Variants in SHC4 observed in about 807,000 individuals in gnomAD.
The protein encoded by SHC4 is SHC-transforming protein 4.
Under a neutral mutation model 69.4 loss-of-function variants are expected in SHC4, and 41 were observed. The observed-to-expected ratio is 0.59, with a 90% CI of 0.46 to 0.77. The LOEUF (loss-of-function observed/expected upper bound fraction) is 0.77. SHC4 is among the 30% of genes least tolerant of loss of function. The pLI, the probability that SHC4 is intolerant of heterozygous loss-of-function variation, is 0.00. For missense variants in SHC4, 777 were observed against 783.8 expected (o/e 0.99, Z 0.10); for synonymous variants, 318 against 299.3 (o/e 1.06, Z -0.64).
intron 2 of SHC4, among the ~76,000 whole-genome samples, chr15:48,920,429 A>C (rs1900730870): frequency 6.6e-6 from 1 of 151,924 alleles, no homozygotes; most frequent in South Asian, 2.1e-4. Flanking sequence ...ACTCATTTTA[A>C]TTTACAAATT....
chr15:48,946,459 C>T (rs1177573866), intron 1 of SHC4: 1 of 523,756 alleles, frequency 1.9e-6, no homozygotes, highest in African/African-American at 2.1e-5. Flanking sequence ...CATCCTTCCT[C>T]TTCCTTCTCC....
At chr15:48,962,306 C>G (rs1901557303) in intron 1 of SHC4, 125 bp downstream of exon 1, 1 of 996,980 alleles carries the variant, frequency 1.0e-6, no homozygotes, top group Non-Finnish European at 1.4e-6. Context: ...CCGCCTTGGT[C>G]CAGTTGAATC....
chr15:48,945,859 T>C (rs906923133), intron 1 of SHC4: 5 of 152,234 alleles, frequency 3.3e-5, no homozygotes, highest in Non-Finnish European at 5.9e-5. Context: ...TTTTACAGTA[T>C]GTGAATTATA....
chr15:48,921,981 G>A (rs1288650955), intron 2 of SHC4, among the ~76,000 whole-genome samples: 1 of 152,062 alleles, frequency 6.6e-6, no homozygotes, highest in African/African-American at 2.4e-5. Flanking sequence ...CCCTCTCTAG[G>A]TAAGATTCTG....
At chr15:48,863,710 A>T (rs144526316) in intron 6 of SHC4, among the ~76,000 whole-genome samples, 6 of 152,168 alleles carry the variant, frequency 3.9e-5, no homozygotes, top group African/African-American at 1.4e-4. Flanking sequence ...TCTTTTTTCA[A>T]TGTTTGAAAT....
At chr15:48,880,211 C>T (rs918877272) in intron 4 of SHC4, 4 of 166,822 alleles carry the variant, frequency 2.4e-5, no homozygotes, top group Non-Finnish European at 5.9e-5. Context: ...TATGGTCATC[C>T]TGTCTTTTGG....
Position 48,834,956 on chromosome 15 carries a change from ATG to A in SHC4, c.1548_1549del (p.Ile517Ter), listed in dbSNP as rs1247211306. ...TTCTTCGCTCCACAGCTGCTGCTTA[ATG>A]TGTGGCAAAGAATGTGAGCTGGCAG... On this transcript the variant is annotated frameshift_variant, in exon 11 of 12. Coordinates refer to ENST00000332408, the MANE Select transcript of SHC4 (RefSeq NM_203349.4). LOFTEE classifies it high-confidence loss of function. 6.2e-7 allele frequency: 1 copy of A among 1,613,596 alleles called. No individual in the cohort carries two copies. Among genetic ancestry groups the A allele is most frequent in the African/African-American group, 1.3e-5 (1 of 75,048 alleles).
chr15:48,912,312 T>G, intron 2 of SHC4, among the ~76,000 whole-genome samples: 1 of 152,306 alleles, frequency 6.6e-6, no homozygotes, highest in South Asian at 2.1e-4. Flanking sequence ...TTGGTTGGAT[T>G]GGGTTAATTA....
chr15:48,942,174 T>A (rs762916851), intron 1 of SHC4, among the ~76,000 whole-genome samples: 9 of 149,758 alleles, frequency 6.0e-5, no homozygotes, highest in Admixed American at 2.1e-4. Flanking sequence ...TAGTCAGTAT[T>A]TTTTTAAAAA....
At chr15:48,903,462 T>G (rs1433758050) in intron 2 of SHC4, among the ~76,000 whole-genome samples, 1 of 152,210 alleles carries the variant, frequency 6.6e-6, no homozygotes, top group Non-Finnish European at 1.5e-5. Flanking sequence ...TCACATTCCC[T>G]GATATTCCCA....
chr15:48,950,881 C>T (rs958423280), intron 1 of SHC4, among the ~76,000 whole-genome samples: 2 of 152,032 alleles, frequency 1.3e-5, no homozygotes, highest in Non-Finnish European at 2.9e-5. Flanking sequence ...CCAAGCCCTG[C>T]GGTTCTTTCT....
intron 1 of SHC4, chr15:48,948,117 T>A (rs1198437992): frequency 6.6e-6 from 1 of 152,254 alleles, no homozygotes; most frequent in Non-Finnish European, 1.5e-5. Context: ...TCTGTTGTAT[T>A]CCTAGCTGTG....
At chr15:48,953,091 A>G (rs920191096) in intron 1 of SHC4, among the ~76,000 whole-genome samples, 7 of 152,314 alleles carry the variant, frequency 4.6e-5, no homozygotes, top group Non-Finnish European at 1.0e-4. Flanking sequence ...CAGCCATAAA[A>G]ACGAATGAGA....
At chr15:48,901,260 T>C (rs764253090) in intron 2 of SHC4, among the ~76,000 whole-genome samples, 1 of 152,204 alleles carries the variant, frequency 6.6e-6, no homozygotes, top group Non-Finnish European at 1.5e-5. Flanking sequence ...CGGAAACAAA[T>C]GTAAGAGGCT....
chr15:48,850,316 A>C (rs951721050), intron 9 of SHC4, among the ~76,000 whole-genome samples: 1 of 152,166 alleles, frequency 6.6e-6, no homozygotes, highest in African/African-American at 2.4e-5. Context: ...AATCATACCT[A>C]TACCAGAAAG....
At chr15:48,952,587 GA>G (rs889973301) in intron 1 of SHC4, among the ~76,000 whole-genome samples, 4 of 151,540 alleles carry the variant, frequency 2.6e-5, no homozygotes, top group East Asian at 1.9e-4. Context: ...AAATTTACAA[GA>G]AAAAAAACCC....
rs1006717873 is a variant in SHC4 at position 48,907,366 on chromosome 15, G to A, written c.657-16555C>T. Among the ~76,000 whole-genome samples, 5 of 151,892 alleles carry A rather than the reference G, an allele frequency of 3.3e-5. No homozygotes were observed. The South Asian group carries it at 6.2e-4, about 19-fold the overall frequency. On this transcript the variant is annotated intron_variant, in intron 2 of 11. Coordinates refer to ENST00000332408, the MANE Select transcript of SHC4 (RefSeq NM_203349.4). ...GCCTTCCCAGTAGCTGAGATTACAG[G>A]CATGCACCATCATGCCCAGCTAATT...
intron 1 of SHC4, 86 bp downstream of exon 1, chr15:48,962,345 A>T (rs1901557896): frequency 4.4e-6 from 6 of 1,352,512 alleles, no homozygotes; most frequent in Non-Finnish European, 1.0e-6. Flanking sequence ...GAACCCAGGC[A>T]GGTAACATTA....
chr15:48,937,377 C>T (rs1901090812), intron 1 of SHC4, among the ~76,000 whole-genome samples: 1 of 152,042 alleles, frequency 6.6e-6, no homozygotes, highest in Non-Finnish European at 1.5e-5. Flanking sequence ...TGCCTTTTTA[C>T]AGATGGAAAA....
Sources: allele counts gnomAD v4.1 joint callset (sites outside exome capture counted in the v4.1 genomes callset), GRCh38; gene constraint gnomAD v4.1.1; transcripts MANE v1.5; gene names NCBI Gene and HGNC (gene_info 2026-07-23, HGNC 2026-07-21).